Variants in PTBP1 observed in about 807,000 individuals in gnomAD.
PTBP1 encodes polypyrimidine tract binding protein 1, also known as polypyrimidine tract-binding protein 1.
Under a neutral mutation model 59.8 loss-of-function variants are expected in PTBP1, and 8 were observed. The ratio of observed to expected loss-of-function variants is 0.13; its 90% CI spans 0.08 to 0.24. The LOEUF (loss-of-function observed/expected upper bound fraction) is 0.24, where lower values mean the gene tolerates loss of function less well. Among genes scored for constraint, PTBP1 ranks in the 10% least tolerant of loss-of-function variants. The pLI is 1.00. For synonymous variants in PTBP1, 490 were observed against 320.7 expected (o/e 1.53, Z -5.64); for missense variants, 686 against 767.0 (o/e 0.89, Z 1.25).
chr19:805,662 C>G (rs2034531646), intron 9 of PTBP1, 93 bp downstream of exon 9: 1 of 1,117,038 alleles, frequency 9.0e-7, no homozygotes, highest in East Asian at 2.4e-5. Flanking sequence ...CCTGGGCGGA[C>G]TGGGCACTCG....
At chr19:805,407 G>T in intron 8 of PTBP1, 85 bp from the exon 9 acceptor site, 1 of 1,392,492 alleles carries the variant, frequency 7.2e-7, no homozygotes, top group South Asian at 1.2e-5. Context: ...CCGCCCGCCG[G>T]CCGGGTTGGG....
chr19:809,761 G>A (rs1279200890), intron 13 of PTBP1, among the ~76,000 whole-genome samples: 1 of 152,158 alleles, frequency 6.6e-6, no homozygotes. Context: ...AGGAGTGGTG[G>A]TGTGCACGTC....
intron 1 of PTBP1, among the ~76,000 whole-genome samples, chr19:798,102 G>GC (rs1447480352): frequency 3.3e-5 from 5 of 151,678 alleles, no homozygotes; most frequent in Admixed American, 2.0e-4. Flanking sequence ...CCCTACCCCT[G>GC]CCCCCCGTGC....
chr19:811,129 C>G lies in PTBP1; in HGVS notation c.*303C>G. 1 of 277,916 alleles carries G rather than the reference C, an allele frequency of 3.6e-6. No individual in the cohort carries two copies. The allele number at this position is 277,916 out of a possible 1,614,324, so 17.2% of individuals were successfully genotyped here. On this transcript the variant is annotated 3_prime_UTR_variant, in exon 15 of 15. Transcript: ENST00000356948. ...GTCGGGCGTGGGGCCTGCAGGTGGG[C>G]GCCCCGACCACGACTTGGCTTCCTT...
At chr19:803,174 C>T (rs1437960992) in intron 2 of PTBP1, among the ~76,000 whole-genome samples, 1 of 152,198 alleles carries the variant, frequency 6.6e-6, no homozygotes, top group East Asian at 1.9e-4. Flanking sequence ...GGGTCCTCTG[C>T]CCTGCTGGCT....
intron 9 of PTBP1, 195 bp from the exon 10 acceptor site, chr19:806,213 G>T: frequency 3.8e-6 from 2 of 530,200 alleles, no homozygotes; most frequent in Non-Finnish European, 6.4e-6. Context: ...GAGGAGAGGC[G>T]GGCGCTGGTG....
At position 809,041 on chromosome 19, in the gene PTBP1, C is replaced by T. The variant is rs568813183; in HGVS notation, c.1463+279C>T. Among the ~76,000 whole-genome samples, 9 of 152,274 alleles carry T rather than the reference C, an allele frequency of 5.9e-5. No individual in the cohort carries two copies. In the South Asian group the frequency reaches 1.9e-3, roughly 32 times the overall value. ...TTATATTTTTTGAGGCGAAGTCTTG[C>T]TTTGTCACCCAGGCTGGAGTACAGT... On this transcript the variant is annotated intron_variant, in intron 13 of 14. Transcript: ENST00000356948.
In PTBP1 at chr19:808,436, C is replaced by T. The variant is rs754165580; in HGVS notation, c.1230C>T (p.Gly410=). 4.4e-6 allele frequency: 7 copies of T among 1,604,366 alleles called. No homozygotes were observed. Among genetic ancestry groups the T allele is most frequent in the Non-Finnish European group, 5.9e-6 (7 of 1,176,830 alleles). ...KENALVQMAD[G]NQAQLAMSHL... The stretch of plus-strand genomic sequence containing the variant: ...ACGCCCTAGTGCAGATGGCGGACGG[C>T]AACCAGGCCCAGCTGGGTAAGAGGC... The change falls in exon 12 of 15, where the codon GGC becomes GGT. Residue 410 remains glycine (G), a synonymous_variant. Coordinates refer to ENST00000356948, the MANE Select transcript of PTBP1 (RefSeq NM_002819.5). The surrounding 1 kb of genome is among the most constrained non-coding windows in gnomAD (Gnocchi z 4.7).
rs1450054887 is a variant in PTBP1 at position 804,160 on chromosome 19, G to A, written c.240G>A (p.Leu80=). 1.2e-6 allele frequency: 2 copies of A among 1,612,170 alleles called. No homozygotes were observed. The highest frequency in any genetic ancestry group is 1.1e-5 in the South Asian group (1 of 90,976). The change falls in exon 4 of 15, where the codon CTG becomes CTA. Residue 80 remains leucine, a synonymous_variant. Transcript: ENST00000356948. ...VTEGEVISLG[L]PFGKVTNLLM... is the part of the protein sequence containing the mutation. ...AGGGGGAAGTCATCTCCCTGGGGCT[G>A]CCCTTTGGGAAGGTCACCAACCTCC...
intron 3 of PTBP1, 34 bp downstream of exon 3, chr19:803,670 T>A: frequency 6.4e-7 from 1 of 1,565,864 alleles, no homozygotes; most frequent in Non-Finnish European, 8.8e-7. Flanking sequence ...GCAAGACCCG[T>A]GGGTGTCTTT....
At chr19:798,719 C>T (rs2034192582) in intron 1 of PTBP1, among the ~76,000 whole-genome samples, 2 of 152,200 alleles carry the variant, frequency 1.3e-5, no homozygotes, top group South Asian at 4.1e-4. Flanking sequence ...CGGGAGAAGC[C>T]GTGGGGAGCT....
intron 4 of PTBP1, 27 bp downstream of exon 4, chr19:804,235 G>A (rs2034459691): frequency 2.5e-6 from 4 of 1,609,692 alleles, no homozygotes; most frequent in African/African-American, 1.3e-5. Flanking sequence ...TCTCCGGGGT[G>A]CTCACACCGT....
At chr19:804,985 C>T (rs201130658) in intron 7 of PTBP1, 28 bp from the exon 8 acceptor site, 101 of 1,612,088 alleles carry the variant, frequency 6.3e-5, no homozygotes, top group Middle Eastern at 1.7e-4. Context: ...CCTGGCCCGG[C>T]GACGTCTCAC....
At chr19:809,639 C>G (rs2034760869) in intron 13 of PTBP1, among the ~76,000 whole-genome samples, 1 of 152,148 alleles carries the variant, frequency 6.6e-6, no homozygotes. Context: ...CCTTTATAAT[C>G]CCAGTACTGT....
intron 9 of PTBP1, chr19:805,876 C>G (rs961917897): frequency 2.4e-6 from 1 of 418,336 alleles, no homozygotes; most frequent in African/African-American, 2.0e-5. Context: ...GGAGGGATGT[C>G]TCTAGTAGTT....
In PTBP1 at chr19:803,132, G is replaced by A. The variant is rs546185230; in HGVS notation, c.40-429G>A. 1.4e-4 allele frequency among the ~76,000 whole-genome samples: 21 copies of A among 152,324 alleles called. 1 individual carries two copies. Among genetic ancestry groups the A allele is most frequent in the African/African-American group, 4.3e-4 (18 of 41,574 alleles). On this transcript the variant is annotated intron_variant, in intron 2 of 14. Coordinates refer to ENST00000356948, the MANE Select transcript of PTBP1 (RefSeq NM_002819.5). ...TGAGGACGGCTGCCTGGGCCCTGCC[G>A]TGTGCTGCTGGGGGGGCTGGCTCCA...
At position 806,404 on chromosome 19, in the gene PTBP1, C is replaced by A. The variant is rs778722235; in HGVS notation, c.971-4C>A. The A allele has an allele frequency of 6.3e-6, 10 of 1,599,934 alleles. No homozygotes were observed. The highest frequency in any genetic ancestry group is 6.8e-6 in the Non-Finnish European group (8 of 1,173,918). ...GCCGCTCATCTCACCTCCTGCTTTTCCAGGCCTTTCCGTTCCGAACGTCCA... is the reference window on the plus strand; with the variant it reads ...GCCGCTCATCTCACCTCCTGCTTTTACAGGCCTTTCCGTTCCGAACGTCCA... On this transcript the variant is annotated splice_polypyrimidine_tract_variant and splice_region_variant and intron_variant, in intron 9 of 14. Transcript: ENST00000356948.
chr19:810,724 G>A lies in PTBP1; in HGVS notation c.1572G>A (p.Met524Ile). ...ACCGCAAGATGGCACTGATCCAGATGGGCTCCGTGGAGGAGGCGGTCCAGG... is the reference window on the plus strand; with the variant it reads ...ACCGCAAGATGGCACTGATCCAGATAGGCTCCGTGGAGGAGGCGGTCCAGG... ...QKDRKMALIQ[M>I]GSVEEAVQAL... Residue 524 changes from methionine to isoleucine, a missense_variant, in exon 15 of 15, where the codon ATG becomes ATA. By Grantham distance (10) the Met-to-Ile change is conservative (BLOSUM62 1). Transcript: ENST00000356948. 6.2e-7 allele frequency: 1 copy of A among 1,609,734 alleles called. No homozygotes were observed.
chr19:803,693 G>A lies in PTBP1; in HGVS notation c.115+57G>A, dbSNP rs895876126. 119 of 1,462,536 alleles carry A rather than the reference G, an allele frequency of 8.1e-5. 1 individual carries two copies. The highest frequency in any genetic ancestry group is 1.3e-4 in the African/African-American group (9 of 71,848). 90.6% of individuals were successfully genotyped at this position (1,462,536 alleles called of 1,614,324 possible). ...CGTGGGTGTCTTTCCCTGGAACAACGTTACGTTCTTGTTCTGGGACTCTAC... is the reference window on the plus strand; with the variant it reads ...CGTGGGTGTCTTTCCCTGGAACAACATTACGTTCTTGTTCTGGGACTCTAC... On this transcript the variant is annotated intron_variant, in intron 3 of 14. Coordinates refer to ENST00000356948, the MANE Select transcript of PTBP1 (RefSeq NM_002819.5).
Sources: allele counts gnomAD v4.1 joint callset (sites outside exome capture counted in the v4.1 genomes callset), GRCh38; gene constraint gnomAD v4.1.1; non-coding constraint Gnocchi (gnomAD v3.1); transcripts MANE v1.5; gene names NCBI Gene and HGNC (gene_info 2026-07-23, HGNC 2026-07-21).